The following TAB1 variants were observed in gnomAD, a reference collection of about 807,000 sequenced individuals.
The protein encoded by TAB1 is TGF-beta-activated kinase 1 and MAP3K7-binding protein 1.
Under a neutral mutation model 54.5 loss-of-function variants are expected in TAB1, and 30 were observed. The observed-to-expected ratio is 0.55, with a 90% CI of 0.41 to 0.75. The LOEUF (loss-of-function observed/expected upper bound fraction) is 0.75. Ranked by LOEUF, TAB1 falls within the 30% of genes least tolerant of loss-of-function variation. The probability of loss-of-function intolerance (pLI) is 0.00; values close to 1 mark genes in which losing one functional copy is unlikely to be tolerated. For missense variants in TAB1, 609 were observed against 683.2 expected, an observed-to-expected ratio of 0.89 and a Z score of 1.21; for synonymous variants, 289 against 286.9, an observed-to-expected ratio of 1.01 and a Z score of -0.07.
At chr22:39,417,905 G>A (rs998640182) in intron 5 of TAB1, 56 bp downstream of exon 5, 10 of 1,539,238 alleles carry the variant, frequency 6.5e-6, no homozygotes, top group African/African-American at 1.4e-5. Flanking sequence ...AGCCACAGGG[G>A]TCGGTGCATT....
intron 1 of TAB1, among the ~76,000 whole-genome samples, chr22:39,414,374 C>CT (rs1433835426): frequency 6.6e-6 from 1 of 151,956 alleles, no homozygotes; most frequent in Non-Finnish European, 1.5e-5. Flanking sequence ...TGAGGATGTC[C>CT]TATAAACTAG....
downstream of TAB1, chr22:39,433,390 G>T: frequency 1.1e-6 from 1 of 912,182 alleles, no homozygotes; most frequent in Non-Finnish European, 1.3e-6. Context: ...GGCGGAGCTT[G>T]CAGTGAGCCA....
At chr22:39,414,857 A>C in intron 1 of TAB1, 149 bp from the exon 2 acceptor site, 2 of 817,734 alleles carry the variant, frequency 2.4e-6, no homozygotes, top group Non-Finnish European at 3.8e-6. Context: ...GTGTCTGTTC[A>C]TACAAACATT....
chr22:39,412,432 C>T (rs572433896), intron 1 of TAB1, among the ~76,000 whole-genome samples: 37 of 152,096 alleles, frequency 2.4e-4, no homozygotes, highest in African/African-American at 8.2e-4. Context: ...GTGGAGCTGC[C>T]CTGTATCCTG....
intron 1 of TAB1, among the ~76,000 whole-genome samples, chr22:39,414,114 G>A (rs1039701125): frequency 6.6e-6 from 1 of 152,192 alleles, no homozygotes; most frequent in Non-Finnish European, 1.5e-5. Flanking sequence ...AGGGATGCTG[G>A]AATCAGGGTG....
intron 9 of TAB1, among the ~76,000 whole-genome samples, chr22:39,427,217 C>T (rs9611173): frequency 0.025 from 3,828 of 152,352 alleles, 81 homozygotes; most frequent in Non-Finnish European, 0.041. Context: ...ATGGCCACCA[C>T]TGATTGAGTG....
At chr22:39,429,751 G>T (rs1927505034) in intron 10 of TAB1, 1 of 914,894 alleles carries the variant, frequency 1.1e-6, no homozygotes, top group African/African-American at 1.8e-5. Context: ...CAAAGTGCTG[G>T]GATTACAGGC....
intron 6 of TAB1, 21 bp downstream of exon 6, chr22:39,418,866 C>T (rs750761645): frequency 2.0e-5 from 31 of 1,584,344 alleles, no homozygotes; most frequent in African/African-American, 2.7e-5. Flanking sequence ...AGAGTGGGAG[C>T]GGAAGCTGAT....
chr22:39,424,597 A>G lies in TAB1; in HGVS notation c.922-2106A>G, dbSNP rs181205820. 4.4e-3 allele frequency among the ~76,000 whole-genome samples: 673 copies of G among 151,892 alleles called. 7 individuals are homozygous for G. Among genetic ancestry groups the G allele is most frequent in the African/African-American group, 0.016 (649 of 41,422 alleles). On this transcript the variant is annotated intron_variant, in intron 8 of 10. Coordinates refer to ENST00000216160, the MANE Select transcript of TAB1 (RefSeq NM_006116.3). Reference sequence around the variant, plus strand: ...GTAGCTGGGACTACAGGCATGTGCCACCACCACACCCGGCTAATTTTTGTA... The same window carrying G: ...GTAGCTGGGACTACAGGCATGTGCCGCCACCACACCCGGCTAATTTTTGTA...
At chr22:39,408,817 A>G (rs1051085673) in intron 1 of TAB1, among the ~76,000 whole-genome samples, 6 of 152,102 alleles carry the variant, frequency 3.9e-5, no homozygotes, top group African/African-American at 1.4e-4. Context: ...GCCTTTTTTA[A>G]TAGTGTATGT....
chr22:39,414,227 A>G (rs1926727505), intron 1 of TAB1, among the ~76,000 whole-genome samples: 1 of 152,034 alleles, frequency 6.6e-6, no homozygotes, highest in Non-Finnish European at 1.5e-5. Context: ...GTCCCGAAGG[A>G]CCCGGAGAAT....
intron 7 of TAB1, among the ~76,000 whole-genome samples, chr22:39,420,775 C>CCG (rs1927035787): frequency 1.4e-5 from 1 of 71,812 alleles, no homozygotes; most frequent in Non-Finnish European, 3.0e-5. Context: ...CACGGTGTCT[C>CCG]TGTGTGTGTG....
In TAB1 at chr22:39,420,775, CTGTGTGTGTGTGTG is replaced by C. The variant is rs71326771; in HGVS notation, c.777-1022_777-1009del. ...ATGCACATATACACACACGGTGTCT[CTGTGTGTGTGTGTG>C]TGTGTGTGTGTGTGTGTGTGTGTGT... is the stretch of plus-strand genomic sequence containing the variant. On this transcript the variant is annotated intron_variant, in intron 7 of 10. Coordinates refer to ENST00000216160, the MANE Select transcript of TAB1 (RefSeq NM_006116.3). Among the ~76,000 whole-genome samples the C allele has an allele frequency of 1.8e-4, 13 of 71,812 alleles. 1 individual carries two copies. In the East Asian group the frequency reaches 2.2e-3, roughly 12 times the overall value. 47.1% of individuals were successfully genotyped at this position (71,812 alleles called of 152,430 possible).
intron 1 of TAB1, among the ~76,000 whole-genome samples, chr22:39,412,720 A>G (rs1030842942): frequency 6.6e-6 from 1 of 152,136 alleles, no homozygotes; most frequent in Non-Finnish European, 1.5e-5. Flanking sequence ...TTTTATATAT[A>G]TGATTGCAAA....
chr22:39,436,841 T>C, downstream of TAB1: 2 of 449,522 alleles, frequency 4.4e-6, no homozygotes, highest in Non-Finnish European at 8.1e-6. Flanking sequence ...AGCTCAGGGC[T>C]CTTGGAACTT....
chr22:39,427,747 C>T (rs770460027), intron 9 of TAB1, among the ~76,000 whole-genome samples: 4 of 152,222 alleles, frequency 2.6e-5, no homozygotes, highest in Non-Finnish European at 5.9e-5. Flanking sequence ...GGAAGCCAGG[C>T]AGTAACCCTT....
At chr22:39,428,716 C>T (rs571874476) in intron 10 of TAB1, among the ~76,000 whole-genome samples, 48 of 152,344 alleles carry the variant, frequency 3.2e-4, no homozygotes, top group Non-Finnish European at 5.4e-4. Context: ...AATGTGCACT[C>T]CCCACACCAG....
rs760329335 is a variant in TAB1, at chr22:39,416,918, C to G, written c.411+41C>G. 4.4e-6 allele frequency: 7 copies of G among 1,593,188 alleles called. No individual in the cohort carries two copies. The Admixed American group carries it at 1.2e-4, about 27-fold the overall frequency. ...GACACCCAGGGGAGTCAAGTCCAGGCCCAGCTTTGCAAGGAGCATGGACTC... is the reference window on the plus strand; with the variant it reads ...GACACCCAGGGGAGTCAAGTCCAGGGCCAGCTTTGCAAGGAGCATGGACTC... On this transcript the variant is annotated intron_variant, in intron 4 of 10. Coordinates refer to ENST00000216160, the MANE Select transcript of TAB1 (RefSeq NM_006116.3).
At chr22:39,418,633 C>G in intron 5 of TAB1, 99 bp from the exon 6 acceptor site, 2 of 877,228 alleles carry the variant, frequency 2.3e-6, no homozygotes, top group East Asian at 2.6e-5. Flanking sequence ...TCAGGTATTT[C>G]CATGTGTGAA....
Sources: gnomAD v4.1 joint callset for allele counts (sites outside exome capture counted in the v4.1 genomes callset) on GRCh38, gnomAD v4.1.1 for gene constraint, MANE v1.5 for transcripts, NCBI Gene and HGNC (gene_info 2026-07-23, HGNC 2026-07-21) for gene names.